SLCO5A1: variants seen among roughly 807,000 people sequenced by gnomAD.
SLCO5A1 encodes the protein solute carrier organic anion transporter family member 5A1, also known as organic anion transporter polypeptide-related protein 4.
SLCO5A1 carries 39 observed loss-of-function variants against 65.1 expected under a neutral mutation model. The observed-to-expected ratio is 0.60, with a 90% CI of 0.46 to 0.78. The LOEUF is 0.78. Among genes scored for constraint, SLCO5A1 ranks in the 30% least tolerant of loss-of-function variants. The probability of loss-of-function intolerance (pLI) is 0.00; values close to 1 mark genes in which losing one functional copy is unlikely to be tolerated. For missense variants in SLCO5A1, 1,029 were observed against 1,069.4 expected (o/e 0.96, Z 0.53); for synonymous variants, 438 against 415.7 (o/e 1.05, Z -0.65).
intron 5 of SLCO5A1, among the ~76,000 whole-genome samples, chr8:69,731,691 G>C (rs1816342790): frequency 6.6e-6 from 1 of 152,218 alleles, no homozygotes; most frequent in South Asian, 2.1e-4. Context: ...AAAAGACAAA[G>C]AGCCTATAAT....
Position 69,832,404 on chromosome 8 carries a change from C to T in SLCO5A1, c.270G>A (p.Ala90=), listed in dbSNP as rs146781787. ...APSPSAPSTS[A]GLGDCNHRVD... ...CCCTGTGGTTACAGTCCCCGAGCCC[C>T]GCCGAAGTGGACGGGGCAGAGGGAC... Residue 90 remains alanine, a synonymous_variant, in exon 2 of 10, where the codon GCG becomes GCA. Transcript: ENST00000260126. This position sits in a 1 kb window ranked among gnomAD's most constrained non-coding sequence, Gnocchi z 4.5. 2.4e-4 allele frequency: 390 copies of T among 1,612,116 alleles called. No individual in the cohort carries two copies. The highest frequency in any genetic ancestry group is 3.0e-4 in the Non-Finnish European group (353 of 1,179,200).
chr8:69,741,608 G>A (rs1816790715), intron 4 of SLCO5A1, among the ~76,000 whole-genome samples: 1 of 152,104 alleles, frequency 6.6e-6, no homozygotes. Flanking sequence ...GAAGGAACCT[G>A]GCAAATACTA....
chr8:69,675,246 C>G (rs892854274), intron 9 of SLCO5A1, among the ~76,000 whole-genome samples: 74 of 150,838 alleles, frequency 4.9e-4, no homozygotes, highest in Non-Finnish European at 1.5e-4. Flanking sequence ...TCCATCTCGG[C>G]TCACTGCAAC....
intron 2 of SLCO5A1, among the ~76,000 whole-genome samples, chr8:69,797,255 T>G (rs1392529898): frequency 1.3e-5 from 2 of 152,234 alleles, no homozygotes; most frequent in Admixed American, 1.3e-4. Flanking sequence ...TCAATACCCT[T>G]GTGATTTCCT....
chr8:69,718,308 C>A (rs747016905), intron 5 of SLCO5A1, among the ~76,000 whole-genome samples: 2 of 152,166 alleles, frequency 1.3e-5, no homozygotes, highest in Non-Finnish European at 2.9e-5. Flanking sequence ...TTAAGATTTT[C>A]TCCATAGAAG....
intron 2 of SLCO5A1, among the ~76,000 whole-genome samples, chr8:69,821,210 T>A (rs541868004): frequency 0.011 from 1,538 of 144,126 alleles, 29 homozygotes; most frequent in African/African-American, 0.037. Context: ...AAAAAAAAAA[T>A]TAGCTGGGCA....
intron 2 of SLCO5A1, among the ~76,000 whole-genome samples, chr8:69,823,976 T>C (rs1820760306): frequency 6.6e-6 from 1 of 152,050 alleles, no homozygotes; most frequent in African/African-American, 2.4e-5. Context: ...AGAAACTCAC[T>C]CAAAACTGCT....
intron 2 of SLCO5A1, among the ~76,000 whole-genome samples, chr8:69,781,638 TG>T (rs1450496440): frequency 6.6e-6 from 1 of 151,984 alleles, no homozygotes; most frequent in Non-Finnish European, 1.5e-5. Context: ...TATCCTTTTT[TG>T]TTTTTGTTTT....
At chr8:69,751,198 G>T (rs1039289102) in intron 4 of SLCO5A1, among the ~76,000 whole-genome samples, 1 of 152,106 alleles carries the variant, frequency 6.6e-6, no homozygotes, top group Non-Finnish European at 1.5e-5. Context: ...TAGATAGAAG[G>T]CTGCCCAGTT....
chr8:69,721,526 A>G (rs1304665430), intron 5 of SLCO5A1, among the ~76,000 whole-genome samples: 2 of 152,212 alleles, frequency 1.3e-5, no homozygotes, highest in African/African-American at 4.8e-5. Flanking sequence ...TCTAAATCCA[A>G]TGCTTTTTCT....
intron 5 of SLCO5A1, among the ~76,000 whole-genome samples, chr8:69,727,865 C>T (rs1175195204): frequency 6.6e-6 from 1 of 152,238 alleles, no homozygotes; most frequent in East Asian, 1.9e-4. Context: ...TTCACAGTCT[C>T]TCAGTCTCTT....
At chr8:69,758,026 T>C (rs1392242927) in intron 3 of SLCO5A1, among the ~76,000 whole-genome samples, 1 of 152,226 alleles carries the variant, frequency 6.6e-6, no homozygotes, top group Non-Finnish European at 1.5e-5. Context: ...AAATCAGCCT[T>C]CTTATCTACA....
chr8:69,737,912 TG>T (rs1401500315), intron 5 of SLCO5A1, 127 bp downstream of exon 5: 2 of 936,372 alleles, frequency 2.1e-6, no homozygotes, highest in Non-Finnish European at 3.0e-6. Context: ...TCCTAAAATC[TG>T]GGGGGAAAGG....
At chr8:69,792,640 G>T (rs1270352696) in intron 2 of SLCO5A1, among the ~76,000 whole-genome samples, 1 of 152,182 alleles carries the variant, frequency 6.6e-6, no homozygotes, top group Non-Finnish European at 1.5e-5. Context: ...TCAGAAGTAG[G>T]CTGGGACAGT....
chr8:69,735,522 G>T (rs1265525293), intron 5 of SLCO5A1, among the ~76,000 whole-genome samples: 2 of 152,108 alleles, frequency 1.3e-5, no homozygotes, highest in Non-Finnish European at 2.9e-5. Context: ...ATATGCAGGG[G>T]CATGGATGGA....
chr8:69,819,402 G>C (rs1209053742), intron 2 of SLCO5A1, among the ~76,000 whole-genome samples: 1 of 151,396 alleles, frequency 6.6e-6, no homozygotes, highest in Non-Finnish European at 1.5e-5. Context: ...CCCATGGCTA[G>C]ATGGCCAAGC....
intron 2 of SLCO5A1, among the ~76,000 whole-genome samples, chr8:69,831,311 C>A (rs1821141710): frequency 6.6e-6 from 1 of 151,604 alleles, no homozygotes; most frequent in East Asian, 1.9e-4. Flanking sequence ...GGCAATAAAG[C>A]ATGATGTATG....
At chr8:69,694,906 G>C (rs1377804244) in intron 6 of SLCO5A1, among the ~76,000 whole-genome samples, 1 of 152,186 alleles carries the variant, frequency 6.6e-6, no homozygotes, top group Non-Finnish European at 1.5e-5. Context: ...AAGGTGTACT[G>C]TAATTCATGG....
Position 69,673,095 on chromosome 8 carries a change from T to G in SLCO5A1, c.2321A>C (p.Glu774Ala), listed in dbSNP as rs183061011. Residue 774 changes from glutamate to alanine, a missense_variant, in exon 10 of 10, where the codon GAA becomes GCA. Coordinates refer to ENST00000260126, the MANE Select transcript of SLCO5A1 (RefSeq NM_030958.3). ...EDGLQRRRQR[E>A]FPLSTVSERV... The stretch of plus-strand genomic sequence containing the variant: ...CTCACTCACGGTGCTCAGGGGAAAT[T>G]CTCTCTGCCTCCGCCTCTGCAGTCC... 1 of 1,614,230 alleles carries G rather than the reference T, an allele frequency of 6.2e-7. No homozygotes were observed. The highest frequency in any genetic ancestry group is 2.2e-5 in the East Asian group (1 of 44,882).
Sources: gnomAD v4.1 joint callset for allele counts (sites outside exome capture counted in the v4.1 genomes callset) on GRCh38, gnomAD v4.1.1 for gene constraint, Gnocchi (gnomAD v3.1) non-coding constraint, MANE v1.5 for transcripts, NCBI Gene and HGNC (gene_info 2026-07-23, HGNC 2026-07-21) for gene names.